NMNAT3: variants seen among roughly 807,000 people sequenced by gnomAD.
NMNAT3 encodes nicotinamide/nicotinic acid mononucleotide adenylyltransferase 3.
NMNAT3 carries 21 observed loss-of-function variants against 24.8 expected under a neutral mutation model. The observed-to-expected ratio is 0.85, with a 90% CI of 0.60 to 1.22. The LOEUF is 1.22. Ranked by LOEUF, NMNAT3 falls within the 50% of genes most tolerant of loss-of-function variation. The pLI is 0.00. For synonymous variants in NMNAT3, 136 were observed against 155.2 expected, an observed-to-expected ratio of 0.88 and a Z score of 0.92; for missense variants, 387 against 436.6, an observed-to-expected ratio of 0.89 and a Z score of 1.01.
At chr3:139,579,671 G>A (rs984145921) in intron 4 of NMNAT3, among the ~76,000 whole-genome samples, 21 of 152,246 alleles carry the variant, frequency 1.4e-4, no homozygotes, top group African/African-American at 2.9e-4. Context: ...CCTGTAGATC[G>A]TCTAAACCAC....
rs370133698 is a variant in NMNAT3 at position 139,578,930 on chromosome 3, G to A, written c.517C>T (p.Arg173Trp). The A allele has an allele frequency of 6.4e-5, 104 of 1,614,040 alleles. No homozygotes were observed. Among genetic ancestry groups the A allele is most frequent in the African/African-American group, 1.2e-4 (9 of 74,900 alleles). Residue 173 changes from arginine to tryptophan, a missense_variant, in exon 5 of 7, where the codon CGG (arginine) becomes TGG (tryptophan). Arg to Trp is a moderately radical substitution (Grantham distance 101). Coordinates refer to ENST00000643695, the MANE Select transcript of NMNAT3 (RefSeq NM_001320510.2). ...TGCTCACTCTCCCAAGGGTCCACCC[G>A]GATCCAGTCGGATGTCTGCAGGGCC...
chr3:139,611,207 T>G (rs112183650), intron 3 of NMNAT3, among the ~76,000 whole-genome samples: 5 of 152,144 alleles, frequency 3.3e-5, no homozygotes, highest in African/African-American at 1.2e-4. Flanking sequence ...CTTGAGGCTT[T>G]CTTTCTTCCA....
intron 4 of NMNAT3, among the ~76,000 whole-genome samples, chr3:139,582,686 T>G (rs1158215289): frequency 7.5e-6 from 1 of 133,606 alleles, no homozygotes; most frequent in Non-Finnish European, 1.6e-5. Context: ...GTACACTTAA[T>G]ATTTAAGGGT....
chr3:139,649,184 T>C (rs905478273), intron 1 of NMNAT3, among the ~76,000 whole-genome samples: 1 of 152,190 alleles, frequency 6.6e-6, no homozygotes, highest in Admixed American at 6.5e-5. Flanking sequence ...TTGTTTTGAA[T>C]GATGTCTGGC....
At chr3:139,586,144 T>C (rs1266721501) in intron 3 of NMNAT3, among the ~76,000 whole-genome samples, 1 of 152,212 alleles carries the variant, frequency 6.6e-6, no homozygotes, top group Non-Finnish European at 1.5e-5. Flanking sequence ...CAATACCGCA[T>C]GTTCTCACTT....
intron 1 of NMNAT3, chr3:139,672,677 G>T (rs1416574253): frequency 2.0e-5 from 3 of 152,250 alleles, no homozygotes; most frequent in Admixed American, 2.0e-4. Context: ...AGAGAAGACG[G>T]CAGCTCATCT....
Position 139,608,363 on chromosome 3 carries a change from C to T in NMNAT3, c.109+19253G>A, listed in dbSNP as rs941614471. Among the ~76,000 whole-genome samples, 11 of 152,284 alleles carry T rather than the reference C, an allele frequency of 7.2e-5. No individual in the cohort carries two copies. The Middle Eastern group carries it at 0.01, about 141-fold the overall frequency. ...ACACTTGCAAAACTTATTACCCCTC[C>T]AGTCCTCAAGTTTCCTTGTACCTAT... On this transcript the variant is annotated intron_variant, in intron 3 of 6. Transcript: ENST00000643695.
intron 3 of NMNAT3, among the ~76,000 whole-genome samples, chr3:139,596,518 T>TAGAG (rs1296137748): frequency 6.6e-6 from 1 of 152,154 alleles, no homozygotes. Context: ...TTACCTTATA[T>TAGAG]TATCTTTTTA....
At chr3:139,645,529 T>A (rs1329936845) in intron 1 of NMNAT3, among the ~76,000 whole-genome samples, 3 of 152,184 alleles carry the variant, frequency 2.0e-5, no homozygotes, top group Non-Finnish European at 4.4e-5. Context: ...GACTTCCAGC[T>A]ACCCTCAAGA....
intron 1 of NMNAT3, among the ~76,000 whole-genome samples, chr3:139,660,926 C>G (rs780890845): frequency 2.0e-5 from 3 of 152,042 alleles, no homozygotes; most frequent in African/African-American, 7.2e-5. Context: ...GAAAACGTGC[C>G]GGGAAATCTG....
intron 3 of NMNAT3, among the ~76,000 whole-genome samples, chr3:139,600,366 C>T (rs150406345): frequency 2.9e-4 from 43 of 149,532 alleles, no homozygotes; most frequent in African/African-American, 8.7e-4. Flanking sequence ...AGTGCAATGG[C>T]GCAATCTTGG....
chr3:139,658,144 G>T (rs2057305955), intron 1 of NMNAT3, among the ~76,000 whole-genome samples: 1 of 152,088 alleles, frequency 6.6e-6, no homozygotes, highest in African/African-American at 2.4e-5. Flanking sequence ...GTAAGGCTCA[G>T]GTAGTATTTG....
At chr3:139,585,144 C>T (rs1426043664) in intron 3 of NMNAT3, among the ~76,000 whole-genome samples, 1 of 151,900 alleles carries the variant, frequency 6.6e-6, no homozygotes, top group East Asian at 1.9e-4. Context: ...ATTTTCTGTC[C>T]AGTAGTTCTG....
At chr3:139,629,221 G>A (rs1182714692) in intron 2 of NMNAT3, among the ~76,000 whole-genome samples, 3 of 152,140 alleles carry the variant, frequency 2.0e-5, no homozygotes, top group Non-Finnish European at 2.9e-5. Context: ...GAGCTGCCCC[G>A]TGGAGATGCC....
intron 5 of NMNAT3, among the ~76,000 whole-genome samples, chr3:139,578,559 C>G (rs569331002): frequency 6.6e-6 from 1 of 152,298 alleles, no homozygotes; most frequent in East Asian, 1.9e-4. Flanking sequence ...GGCTTCAGAT[C>G]ACTTGCTCAA....
At chr3:139,569,645 T>C (rs940643358) in intron 6 of NMNAT3, 15 of 152,242 alleles carry the variant, frequency 9.9e-5, no homozygotes, top group Non-Finnish European at 2.1e-4. Context: ...GAAAATTCTT[T>C]TCTTTAAGAA....
intron 1 of NMNAT3, among the ~76,000 whole-genome samples, chr3:139,675,795 A>G (rs2057910991): frequency 6.6e-6 from 1 of 152,240 alleles, no homozygotes; most frequent in African/African-American, 2.4e-5. Context: ...TTAGGTCCTC[A>G]TTAAATCCCC....
intron 1 of NMNAT3, among the ~76,000 whole-genome samples, chr3:139,655,597 T>C (rs1182008207): frequency 6.8e-6 from 1 of 147,610 alleles, no homozygotes; most frequent in Non-Finnish European, 1.5e-5. Context: ...TTACCCATTT[T>C]CTATTATAAT....
At chr3:139,568,269 T>C (rs1455104958) in intron 6 of NMNAT3, 1 of 152,192 alleles carries the variant, frequency 6.6e-6, no homozygotes, top group Non-Finnish European at 1.5e-5. Flanking sequence ...TCTATCAATT[T>C]TGTTGATCCT....
Sources: allele counts gnomAD v4.1 joint callset (sites outside exome capture counted in the v4.1 genomes callset), GRCh38; gene constraint gnomAD v4.1.1; transcripts MANE v1.5; gene names NCBI Gene and HGNC (gene_info 2026-07-23, HGNC 2026-07-21).